Variants in TMEM131 observed in about 807,000 individuals in gnomAD.
TMEM131 encodes transmembrane protein 131.
In TMEM131, 66 loss-of-function variants were observed where a neutral mutation model predicts 211.6. The ratio of observed to expected loss-of-function variants is 0.31; its 90% CI spans 0.26 to 0.38. The LOEUF (loss-of-function observed/expected upper bound fraction) is 0.38, where lower values mean the gene tolerates loss of function less well. Among genes scored for constraint, TMEM131 ranks in the 10% least tolerant of loss-of-function variants. TMEM131 has a pLI of 1.00. For synonymous variants in TMEM131, 844 were observed against 841.3 expected (o/e 1.00, Z -0.06); for missense variants, 2,036 against 2,299.3 (o/e 0.89, Z 2.34).
rs756557739 is a variant in TMEM131 at position 97,805,126 on chromosome 2, G to C, written c.2364C>G (p.Phe788Leu). The change falls in exon 22 of 41, where the codon TTC (phenylalanine) becomes TTG (leucine). Residue 788 changes from phenylalanine to leucine, a missense_variant. Phe to Leu is a conservative substitution (Grantham distance 22, BLOSUM62 0). This residue lies in a region of TMEM131 where 1,623 missense variants were observed against 1,805.9 expected (regional missense o/e 0.90). Coordinates refer to ENST00000186436, the MANE Select transcript of TMEM131 (RefSeq NM_015348.2). Reference sequence around the variant, plus strand: ...TTTCCTTTATTCCTGTCCATCCCTTGAACAGGCTTTGATGCAAATCCCAGT... The same window carrying C: ...TTTCCTTTATTCCTGTCCATCCCTTCAACAGGCTTTGATGCAAATCCCAGT... The part of the protein sequence containing the change: ...DADWDLHQSL[F>L]KGWTGIKENS... 3 of 1,613,626 alleles carry C rather than the reference G, an allele frequency of 1.9e-6. No homozygotes were observed. The highest frequency in any genetic ancestry group is 2.5e-6 in the Non-Finnish European group (3 of 1,179,772).
chr2:97,948,208 A>AT (rs900004029), intron 1 of TMEM131, among the ~76,000 whole-genome samples: 31 of 150,572 alleles, frequency 2.1e-4, no homozygotes, highest in South Asian at 2.1e-4. Context: ...TGGATTAAAA[A>AT]TTTTTTTTTT....
At chr2:97,985,271 AACAT>A (rs1559491643) in intron 1 of TMEM131, among the ~76,000 whole-genome samples, 5 of 152,114 alleles carry the variant, frequency 3.3e-5, no homozygotes, top group Non-Finnish European at 7.4e-5. Context: ...AATGCATAAA[AACAT>A]ACATATTAAT....
intron 31 of TMEM131, among the ~76,000 whole-genome samples, chr2:97,787,657 G>A (rs1680315252): frequency 6.7e-6 from 1 of 150,370 alleles, no homozygotes; most frequent in Non-Finnish European, 1.5e-5. Context: ...AACTTAATAT[G>A]ACTATATATT....
intron 1 of TMEM131, among the ~76,000 whole-genome samples, chr2:97,929,208 G>C (rs527285990): frequency 2.0e-5 from 3 of 151,746 alleles, no homozygotes; most frequent in South Asian, 2.1e-4. Flanking sequence ...TACACTGATG[G>C]GGATAGAGAA....
chr2:97,789,248 GCTGT>G (rs1680390423), intron 31 of TMEM131, among the ~76,000 whole-genome samples: 1 of 152,232 alleles, frequency 6.6e-6, no homozygotes, highest in African/African-American at 2.4e-5. Context: ...TTTCTGTTAT[GCTGT>G]CTGTCATGCT....
intron 1 of TMEM131, among the ~76,000 whole-genome samples, chr2:97,947,378 C>G (rs1046410874): frequency 6.6e-6 from 1 of 151,872 alleles, no homozygotes. Flanking sequence ...ACAGGTGATA[C>G]AGGATATAGG....
intron 7 of TMEM131, among the ~76,000 whole-genome samples, chr2:97,839,182 C>T (rs1013421420): frequency 6.6e-6 from 1 of 152,048 alleles, no homozygotes; most frequent in Admixed American, 6.6e-5. Context: ...AAAACATTAG[C>T]CAGGTGTGGT....
chr2:97,905,433 T>C (rs1676028865), intron 3 of TMEM131, among the ~76,000 whole-genome samples: 1 of 152,182 alleles, frequency 6.6e-6, no homozygotes. Context: ...TGTGTTACTC[T>C]TGCTTCAGGT....
chr2:97,876,259 C>T (rs1473545878), intron 4 of TMEM131, among the ~76,000 whole-genome samples: 1 of 152,138 alleles, frequency 6.6e-6, no homozygotes, highest in African/African-American at 2.4e-5. Context: ...AGATTCACAG[C>T]CAAATTCTAT....
At chr2:97,834,950 T>C (rs780210750) in intron 8 of TMEM131, 25 bp from the exon 9 acceptor site, 1 of 1,611,420 alleles carries the variant, frequency 6.2e-7, no homozygotes, top group Non-Finnish European at 8.5e-7. Context: ...GACCATAATG[T>C]AGCACAGCTT....
intron 34 of TMEM131, 54 bp downstream of exon 34, chr2:97,766,424 G>C: frequency 6.2e-7 from 1 of 1,612,314 alleles, no homozygotes; most frequent in Non-Finnish European, 8.5e-7. Flanking sequence ...TGTTAATACG[G>C]TGCACTATGA....
At chr2:97,846,249 A>G (rs1014065799) in intron 5 of TMEM131, among the ~76,000 whole-genome samples, 6 of 152,214 alleles carry the variant, frequency 3.9e-5, no homozygotes, top group Non-Finnish European at 8.8e-5. Flanking sequence ...AAGACTTGAA[A>G]AGTATAAGCC....
intron 5 of TMEM131, among the ~76,000 whole-genome samples, chr2:97,847,843 G>A (rs1683522325): frequency 6.6e-6 from 1 of 152,000 alleles, no homozygotes; most frequent in Admixed American, 6.5e-5. Flanking sequence ...AGGAATATAT[G>A]GAGAGTATTA....
chr2:97,841,996 T>A (rs1426606961), intron 6 of TMEM131, 59 bp from the exon 7 acceptor site: 1 of 1,417,718 alleles, frequency 7.1e-7, no homozygotes, highest in Non-Finnish European at 9.4e-7. Context: ...ATATTTTTAG[T>A]TATAACTGAC....
intron 4 of TMEM131, among the ~76,000 whole-genome samples, chr2:97,877,025 A>G (rs1674725409): frequency 6.6e-6 from 1 of 152,226 alleles, no homozygotes; most frequent in Non-Finnish European, 1.5e-5. Context: ...TACAAAATCA[A>G]TGTGCAAAAC....
intron 4 of TMEM131, among the ~76,000 whole-genome samples, chr2:97,879,226 G>T (rs919545662): frequency 1.3e-5 from 2 of 152,200 alleles, no homozygotes; most frequent in South Asian, 4.1e-4. Flanking sequence ...CTGCTGTAGG[G>T]AAAGGATACC....
chr2:97,827,370 G>T lies in TMEM131; in HGVS notation c.1074+5995C>A, dbSNP rs370813485. The stretch of plus-strand genomic sequence containing the variant: ...AAGCAAAGCCGAAAAAGGCAGCAGC[G>T]AAGGATAAATCTTCAGACAAAAACG... On this transcript the variant is annotated intron_variant, in intron 11 of 40. Transcript: ENST00000186436. 1.7e-5 allele frequency: 16 copies of T among 931,058 alleles called. No individual in the cohort carries two copies. The African/African-American group carries it at 2.3e-4, about 13-fold the overall frequency. The allele number at this position is 931,058 out of a possible 1,614,324, so 57.7% of individuals were successfully genotyped here. A position where few individuals can be genotyped will look rare whatever the true frequency, so the allele number is the denominator to read the frequency against.
At chr2:97,859,253 G>T in intron 5 of TMEM131, 51 bp downstream of exon 5, 1 of 1,528,044 alleles carries the variant, frequency 6.5e-7, no homozygotes, top group Admixed American at 2.4e-5. Context: ...TAAAAATCTA[G>T]ACATTTCAAC....
At chr2:97,892,575 C>T (rs1397304757) in intron 3 of TMEM131, among the ~76,000 whole-genome samples, 1 of 152,146 alleles carries the variant, frequency 6.6e-6, no homozygotes, top group Non-Finnish European at 1.5e-5. Flanking sequence ...GTTCCCCAGG[C>T]TAGTTTCAAA....
Sources: allele counts gnomAD v4.1 joint callset (sites outside exome capture counted in the v4.1 genomes callset), GRCh38; gene constraint gnomAD v4.1.1; regional missense constraint gnomAD v4.1.1; transcripts MANE v1.5; gene names NCBI Gene and HGNC (gene_info 2026-07-23, HGNC 2026-07-21).